IL1RAPL1: variants seen among roughly 807,000 people sequenced by gnomAD.
IL1RAPL1 encodes interleukin-1 receptor accessory protein-like 1.
In IL1RAPL1, 3 loss-of-function variants were observed where a neutral mutation model predicts 48.4. The ratio of observed to expected loss-of-function variants is 0.06; its 90% CI spans 0.03 to 0.16. The LOEUF (loss-of-function observed/expected upper bound fraction) is 0.16. Ranked by LOEUF, IL1RAPL1 falls within the 10% of genes least tolerant of loss-of-function variation. The pLI is 1.00. For synonymous variants in IL1RAPL1, 185 were observed against 187.7 expected, an observed-to-expected ratio of 0.99 and a Z score of 0.12; for missense variants, 349 against 530.6, an observed-to-expected ratio of 0.66 and a Z score of 3.36.
At chrX:29,831,445 TG>T (rs1930873084) in intron 6 of IL1RAPL1, among the ~76,000 whole-genome samples, 1 of 111,495 alleles carries the variant, frequency 9.0e-6, no homozygotes. Flanking sequence ...TGCAAAGTCT[TG>T]GAGCTGTATA....
chrX:29,918,144 A>AAAAAAAAAAAATATATATAT (rs1555935868), intron 7 of IL1RAPL1, among the ~76,000 whole-genome samples: 1 of 23,767 alleles, frequency 4.2e-5, no homozygotes, highest in Non-Finnish European at 6.6e-5. Context: ...AAAAAAAAAA[A>AAAAAAAAAAAATATATATAT]ATATATATAT....
chrX:29,894,792 G>A (rs1932344591), intron 6 of IL1RAPL1, among the ~76,000 whole-genome samples: 1 of 110,865 alleles, frequency 9.0e-6, no homozygotes, highest in Non-Finnish European at 1.9e-5. Context: ...TATTTTCATG[G>A]GGTGGGGAAG....
At chrX:28,998,281 G>T (rs1277315309) in intron 2 of IL1RAPL1, among the ~76,000 whole-genome samples, 1 of 110,830 alleles carries the variant, frequency 9.0e-6, no homozygotes, top group Non-Finnish European at 1.9e-5. Context: ...AAAAAAAATG[G>T]CACTCTTCCA....
chrX:29,600,999 C>A (rs1471373654), intron 5 of IL1RAPL1, among the ~76,000 whole-genome samples: 1 of 111,144 alleles, frequency 9.0e-6, no homozygotes, highest in Admixed American at 9.5e-5. Context: ...CCATGAGCCT[C>A]CCTACTGAAA....
chrX:28,978,076 A>G (rs565783521), intron 2 of IL1RAPL1, among the ~76,000 whole-genome samples: 7 of 112,529 alleles, frequency 6.2e-5, no homozygotes, highest in African/African-American at 2.3e-4. Context: ...TCAAGAGAGG[A>G]TGTTTTTAAG....
chrX:28,826,567 C>T (rs1163741707), intron 2 of IL1RAPL1, among the ~76,000 whole-genome samples: 2 of 111,067 alleles, frequency 1.8e-5, no homozygotes, highest in African/African-American at 3.3e-5. Flanking sequence ...TTTTTGACAC[C>T]CTGCCATCCC....
chrX:29,180,083 ATCTCTCTC>A (rs772715302), intron 2 of IL1RAPL1, among the ~76,000 whole-genome samples: 1 of 108,459 alleles, frequency 9.2e-6, no homozygotes, highest in East Asian at 2.9e-4. Context: ...CAACAAATCA[ATCTCTCTC>A]TCTCTCTCAA....
intron 2 of IL1RAPL1, among the ~76,000 whole-genome samples, chrX:29,220,753 T>G (rs139771486): frequency 9.0e-6 from 1 of 111,554 alleles, no homozygotes; most frequent in Non-Finnish European, 1.9e-5. Flanking sequence ...GTAGGAAAAA[T>G]AAAGGTAAGA....
At chrX:29,464,313 T>A (rs1934838262) in intron 5 of IL1RAPL1, among the ~76,000 whole-genome samples, 1 of 111,648 alleles carries the variant, frequency 9.0e-6, no homozygotes, top group Admixed American at 9.5e-5. Context: ...AGATGCAGGA[T>A]CATCAAGTAT....
At chrX:29,745,566 C>A (rs1280574934) in intron 6 of IL1RAPL1, among the ~76,000 whole-genome samples, 1 of 105,699 alleles carries the variant, frequency 9.5e-6, no homozygotes, top group African/African-American at 3.5e-5. Context: ...TCGGTCCCAG[C>A]CTCTCAAGTA....
At chrX:28,656,324 C>T (rs1354072320) in intron 1 of IL1RAPL1, among the ~76,000 whole-genome samples, 4 of 111,307 alleles carry the variant, frequency 3.6e-5, no homozygotes, top group Non-Finnish European at 7.5e-5. Flanking sequence ...CCTGCCACAG[C>T]ACCTGTTGAA....
At chrX:29,753,891 A>G (rs986264728) in intron 6 of IL1RAPL1, among the ~76,000 whole-genome samples, 1 of 112,180 alleles carries the variant, frequency 8.9e-6, no homozygotes, top group African/African-American at 3.2e-5. Flanking sequence ...GTTAGTGAAC[A>G]CTATGCAGTG....
chrX:29,731,916 A>G (rs1474646604), intron 6 of IL1RAPL1, among the ~76,000 whole-genome samples: 2 of 112,491 alleles, frequency 1.8e-5, no homozygotes, highest in Non-Finnish European at 3.7e-5. Flanking sequence ...GAAGCAGGAC[A>G]TAAATTCCTT....
chrX:28,815,343 A>G (rs72625519), intron 2 of IL1RAPL1, among the ~76,000 whole-genome samples: 5,719 of 110,111 alleles, frequency 0.052, 306 homozygotes, highest in East Asian at 0.31. Context: ...TTATTGTTAC[A>G]TGATAGATGT....
At chrX:28,847,175 T>C (rs141676816) in intron 2 of IL1RAPL1, among the ~76,000 whole-genome samples, 1,215 of 111,071 alleles carry the variant, frequency 0.011, 20 homozygotes, top group African/African-American at 0.037. Context: ...TCATTCCTTT[T>C]AGCTCTTCTT....
intron 3 of IL1RAPL1, among the ~76,000 whole-genome samples, chrX:29,376,410 A>C (rs1185947695): frequency 9.2e-6 from 1 of 109,071 alleles, no homozygotes; most frequent in Non-Finnish European, 1.9e-5. Context: ...TCACTCTGTT[A>C]ACCAGGCTGG....
At chrX:29,528,705 A>G (rs1274315921) in intron 5 of IL1RAPL1, among the ~76,000 whole-genome samples, 1 of 111,929 alleles carries the variant, frequency 8.9e-6, no homozygotes, top group Non-Finnish European at 1.9e-5. Context: ...CACCCAGGAT[A>G]CGCTCCTTTT....
chrX:29,821,226 G>C (rs1464100465), intron 6 of IL1RAPL1, among the ~76,000 whole-genome samples: 1 of 111,007 alleles, frequency 9.0e-6, no homozygotes, highest in Non-Finnish European at 1.9e-5. Flanking sequence ...GAGGCAGGCG[G>C]ATCACGAGGT....
chrX:29,461,115 A>G (rs1230491223), intron 5 of IL1RAPL1, among the ~76,000 whole-genome samples: 2 of 111,881 alleles, frequency 1.8e-5, no homozygotes, highest in Non-Finnish European at 3.8e-5. Flanking sequence ...AAAAAATAGC[A>G]AAATATTTGA....
Sources: gnomAD v4.1 joint callset for allele counts (sites outside exome capture counted in the v4.1 genomes callset) on GRCh38, gnomAD v4.1.1 for gene constraint, MANE v1.5 for transcripts, NCBI Gene and HGNC (gene_info 2026-07-23, HGNC 2026-07-21) for gene names.